Variants in CIDEA observed in about 807,000 individuals in gnomAD.
CIDEA encodes the protein lipid transferase CIDEA.
In CIDEA, 10 loss-of-function variants were observed where a neutral mutation model predicts 18.2. The ratio of observed to expected loss-of-function variants is 0.55; its 90% confidence interval spans 0.34 to 0.93. The LOEUF (loss-of-function observed/expected upper bound fraction) is 0.93. CIDEA is among the 40% of genes least tolerant of loss of function. The pLI is 0.02. For synonymous variants in CIDEA, 128 were observed against 124.8 expected (o/e 1.03, Z -0.17); for missense variants, 309 against 293.1 (o/e 1.05, Z -0.40).
At chr18:12,256,360 G>T (rs373695688) in intron 1 of CIDEA, among the ~76,000 whole-genome samples, 2 of 152,176 alleles carry the variant, frequency 1.3e-5, no homozygotes, top group Non-Finnish European at 2.9e-5. Flanking sequence ...GGAAAGAACC[G>T]AATCAATGTG....
rs1005141537 is a variant in CIDEA at position 12,274,200 on chromosome 18, C to T, written c.438C>T (p.Asn146=). 4.3e-6 allele frequency: 7 copies of T among 1,614,216 alleles called. No individual in the cohort carries two copies. Among genetic ancestry groups the T allele is most frequent in the African/African-American group, 1.3e-5 (1 of 75,044 alleles). ...LNPKDFIGCL[N]VKATMYEMYS... ...CCAAGGACTTCATCGGCTGCCTTAACGTGAAGGCCACCATGTATGAGATGT... is the reference window on the plus strand; with the variant it reads ...CCAAGGACTTCATCGGCTGCCTTAATGTGAAGGCCACCATGTATGAGATGT... Residue 146 remains asparagine, a synonymous_variant, in exon 4 of 5, where the codon AAC becomes AAT. Coordinates refer to ENST00000320477, the MANE Select transcript of CIDEA (RefSeq NM_001279.4).
intron 3 of CIDEA, among the ~76,000 whole-genome samples, chr18:12,270,494 G>T (rs1912480961): frequency 6.6e-6 from 1 of 152,052 alleles, no homozygotes; most frequent in Admixed American, 6.5e-5. Context: ...TTCAAGACCA[G>T]CCTGGCCCAC....
At chr18:12,270,778 T>G (rs574110796) in intron 3 of CIDEA, among the ~76,000 whole-genome samples, 1 of 150,640 alleles carries the variant, frequency 6.6e-6, no homozygotes, top group South Asian at 2.1e-4. Context: ...ACAAATCATT[T>G]AAAGCAAATA....
intron 1 of CIDEA, among the ~76,000 whole-genome samples, chr18:12,256,588 C>T (rs1329837342): frequency 6.6e-6 from 1 of 152,202 alleles, no homozygotes; most frequent in African/African-American, 2.4e-5. Flanking sequence ...ACATTCCTGC[C>T]AAACGCTGAA....
rs138385980 is a variant in CIDEA, at chr18:12,264,313, G to A, written c.190G>A (p.Asp64Asn). The A allele has an allele frequency of 1.9e-6, 3 of 1,606,790 alleles. No individual in the cohort carries two copies. The highest frequency in any genetic ancestry group is 1.7e-5 in the Admixed American group (1 of 58,638). Reference protein sequence around the residue: ...SLQELISKTLDALVIATGLVT... With the variant: ...SLQELISKTLNALVIATGLVT... ...TGATGTGTTGCACACCTAGACTCTG[G>A]ATGCCCTCGTCATCGCTACCGGACT... Residue 64 changes from aspartate (D) to asparagine (N), a missense_variant, in exon 3 of 5, where the codon GAT becomes AAT. Physicochemically the swap from Asp to Asn is conservative, Grantham distance 23. Transcript: ENST00000320477.
intron 3 of CIDEA, among the ~76,000 whole-genome samples, chr18:12,269,358 C>T (rs1912448159): frequency 6.6e-6 from 1 of 152,180 alleles, no homozygotes; most frequent in Admixed American, 6.5e-5. Flanking sequence ...ATAGCCTATT[C>T]AGATAACTGA....
intron 1 of CIDEA, among the ~76,000 whole-genome samples, chr18:12,259,121 G>A (rs1028787317): frequency 6.6e-6 from 1 of 152,222 alleles, no homozygotes; most frequent in African/African-American, 2.4e-5. Flanking sequence ...CAGCCCGGCC[G>A]GGCGAGGCTC....
intron 4 of CIDEA, among the ~76,000 whole-genome samples, chr18:12,276,071 G>A (rs113304637): frequency 0.025 from 3,556 of 142,218 alleles, 144 homozygotes; most frequent in African/African-American, 0.087. Flanking sequence ...TCAGCTCACT[G>A]CAACCTCCTC....
intron 3 of CIDEA, among the ~76,000 whole-genome samples, chr18:12,264,876 C>T (rs1304724902): frequency 6.6e-6 from 1 of 152,222 alleles, no homozygotes; most frequent in Non-Finnish European, 1.5e-5. Flanking sequence ...TCTAAATATG[C>T]ACTTTGTATT....
rs1298068398 is a variant in CIDEA at position 12,276,003 on chromosome 18, TTC to T, written c.513-1118_513-1117del. Among the ~76,000 whole-genome samples, 9 of 146,256 alleles carry T rather than the reference TTC, an allele frequency of 6.2e-5. 4 individuals carry two copies. The highest frequency in any genetic ancestry group is 9.1e-5 in the Non-Finnish European group (6 of 66,040). ...TTTTCTTTTTCTTTTCTTATTTTTT[TTC>T]TTTTTTGAGACGGAATCTCACTCTG... On this transcript the variant is annotated intron_variant, in intron 4 of 4. Transcript: ENST00000320477.
At position 12,277,387 on chromosome 18, in the gene CIDEA, C is replaced by A; in HGVS notation, c.*117C>A. ...ATGCACTTGGAGGCCGCTGGTCACGCTGCTCAGGAGTGGTGCCCAGAAAAG... is the reference window on the plus strand; with the variant it reads ...ATGCACTTGGAGGCCGCTGGTCACGATGCTCAGGAGTGGTGCCCAGAAAAG... On this transcript the variant is annotated 3_prime_UTR_variant, in exon 5 of 5. Coordinates refer to ENST00000320477, the MANE Select transcript of CIDEA (RefSeq NM_001279.4). 8.6e-7 allele frequency: 1 copy of A among 1,164,438 alleles called. No individual in the cohort carries two copies. The highest frequency in any genetic ancestry group is 1.2e-6 in the Non-Finnish European group (1 of 821,268). 72.1% of individuals were successfully genotyped at this position (1,164,438 alleles called of 1,614,324 possible).
In CIDEA at chr18:12,264,468, T is replaced by G. The variant is rs144817706; in HGVS notation, c.330+15T>G. The G allele has an allele frequency of 3.1e-6, 5 of 1,610,226 alleles. No individual in the cohort carries two copies. The highest frequency in any genetic ancestry group is 3.4e-6 in the Non-Finnish European group (4 of 1,177,838). On this transcript the variant is annotated intron_variant, in intron 3 of 4. Coordinates refer to ENST00000320477, the MANE Select transcript of CIDEA (RefSeq NM_001279.4). ...AGTGGATGCCGGTAAGCAAAAACAC[T>G]GTCACCCAAACAGCTACTGGGTAGA...
intron 3 of CIDEA, among the ~76,000 whole-genome samples, chr18:12,265,497 G>C (rs138803223): frequency 6.6e-6 from 1 of 152,250 alleles, no homozygotes; most frequent in Non-Finnish European, 1.5e-5. Context: ...GAGGGTCTGC[G>C]TAAAGCAGGG....
chr18:12,256,602 G>A (rs1912042122), intron 1 of CIDEA, among the ~76,000 whole-genome samples: 1 of 152,194 alleles, frequency 6.6e-6, no homozygotes, highest in African/African-American at 2.4e-5. Flanking sequence ...CGCTGAAGTT[G>A]TTATGAAGCT....
chr18:12,274,122 G>C lies in CIDEA; in HGVS notation c.360G>C (p.Pro120=), dbSNP rs761785453. The C allele has an allele frequency of 3.1e-6, 5 of 1,614,190 alleles. No individual in the cohort carries two copies. Among genetic ancestry groups the C allele is most frequent in the Non-Finnish European group, 2.5e-6 (3 of 1,180,030 alleles). Residue 120 remains proline, a synonymous_variant, in exon 4 of 5, where the codon CCG becomes CCC. Transcript: ENST00000320477. ...GCCAGCACGTCCCCACTTGCTCGCCGCCGAAGAGGTCGGGAATAGCGAGAG... is the reference window on the plus strand; with the variant it reads ...GCCAGCACGTCCCCACTTGCTCGCCCCCGAAGAGGTCGGGAATAGCGAGAG... ...PGSQHVPTCS[P]PKRSGIARVT...
chr18:12,270,507 G>C (rs1454088796), intron 3 of CIDEA, among the ~76,000 whole-genome samples: 1 of 151,932 alleles, frequency 6.6e-6, no homozygotes, highest in Non-Finnish European at 1.5e-5. Context: ...TGGCCCACGG[G>C]GTGAAACCCC....
At chr18:12,254,617 C>A in intron 1 of CIDEA, 196 bp downstream of exon 1, 1 of 1,527,006 alleles carries the variant, frequency 6.5e-7, no homozygotes. Flanking sequence ...GCCGCGCCCG[C>A]GGGCAGAGCC....
chr18:12,254,744 A>C (rs2144051639), intron 1 of CIDEA: 1 of 1,434,686 alleles, frequency 7.0e-7, no homozygotes, highest in African/African-American at 1.4e-5. Context: ...GGCTGCATGC[A>C]TCTCTGGCCG....
chr18:12,272,149 T>TGTGGGGGGG (rs1555662634), intron 3 of CIDEA, among the ~76,000 whole-genome samples: 2 of 7,492 alleles, frequency 2.7e-4, no homozygotes, highest in Admixed American at 1.7e-3. Flanking sequence ...AGTGTGTGTG[T>TGTGGGGGGG]GGGGGGGGGG....
Sources: allele counts gnomAD v4.1 joint callset (sites outside exome capture counted in the v4.1 genomes callset), GRCh38; gene constraint gnomAD v4.1.1; transcripts MANE v1.5; gene names NCBI Gene and HGNC (gene_info 2026-07-23, HGNC 2026-07-21).